PHKA1: variants seen among roughly 807,000 people sequenced by gnomAD.
PHKA1 encodes phosphorylase kinase regulatory subunit alpha 1.
Under a neutral mutation model 110.2 loss-of-function variants are expected in PHKA1, and 60 were observed. The ratio of observed to expected loss-of-function variants is 0.54; its 90% CI spans 0.44 to 0.68. PHKA1 has a LOEUF of 0.68. PHKA1 is among the 30% of genes least tolerant of loss of function. The pLI is 0.00. For synonymous variants in PHKA1, 316 were observed against 333.6 expected, an observed-to-expected ratio of 0.95 and a Z score of 0.58; for missense variants, 801 against 942.5, an observed-to-expected ratio of 0.85 and a Z score of 1.97.
intron 10 of PHKA1, 122 bp from the exon 11 acceptor site, chrX:72,653,652 A>G: frequency 3.9e-6 from 2 of 513,702 alleles, no homozygotes; most frequent in Admixed American, 2.9e-5. Context: ...TAAAATAGAA[A>G]GGAAAGGGTA....
intron 2 of PHKA1, chrX:72,712,346 C>G (rs1218349821): frequency 6.0e-6 from 1 of 165,646 alleles, no homozygotes; most frequent in East Asian, 1.6e-4. Flanking sequence ...TGTGTCTAGT[C>G]CAGAAGGTTT....
At chrX:72,697,536 C>T (rs1442717043) in intron 3 of PHKA1, among the ~76,000 whole-genome samples, 7 of 107,417 alleles carry the variant, frequency 6.5e-5, no homozygotes, top group African/African-American at 2.4e-4. Context: ...AAAACAAGGT[C>T]TCCTAAGACC....
At chrX:72,599,859 C>T (rs2147670968) in intron 28 of PHKA1, 2 of 544,810 alleles carry the variant, frequency 3.7e-6, no homozygotes, top group East Asian at 6.7e-5. Flanking sequence ...GGGATGACCA[C>T]CATTGGACTA....
chrX:72,682,168 C>T (rs2053897191), intron 5 of PHKA1, among the ~76,000 whole-genome samples: 2 of 91,024 alleles, frequency 2.2e-5, no homozygotes, highest in African/African-American at 7.9e-5. Context: ...GTGAGGAGCC[C>T]CTCTGCCCGG....
At chrX:72,633,030 A>C (rs1302142024) in intron 16 of PHKA1, among the ~76,000 whole-genome samples, 1 of 111,861 alleles carries the variant, frequency 8.9e-6, no homozygotes, top group Non-Finnish European at 1.9e-5. Context: ...AGCTGTGGCT[A>C]TGTATCTCAT....
At chrX:72,611,758 G>A (rs1293719532) in intron 21 of PHKA1, among the ~76,000 whole-genome samples, 1 of 112,108 alleles carries the variant, frequency 8.9e-6, no homozygotes, top group Non-Finnish European at 1.9e-5. Context: ...TAACCTATCA[G>A]ATTGTCAAAA....
At chrX:72,631,261 T>C (rs4825954) in intron 16 of PHKA1, among the ~76,000 whole-genome samples, 25,908 of 111,124 alleles carry the variant, frequency 0.23, 5,241 homozygotes, top group East Asian at 0.68. Context: ...ATGATAACTG[T>C]CTTAAAATCT....
At chrX:72,595,940 T>C (rs1556233604) in intron 28 of PHKA1, among the ~76,000 whole-genome samples, 1 of 112,192 alleles carries the variant, frequency 8.9e-6, no homozygotes, top group African/African-American at 3.2e-5. Context: ...ATCCCACTTC[T>C]GGATATTTAT....
intron 28 of PHKA1, among the ~76,000 whole-genome samples, chrX:72,601,371 T>C (rs1192009817): frequency 9.0e-6 from 1 of 111,548 alleles, no homozygotes; most frequent in Admixed American, 9.5e-5. Context: ...CCCCTCTGAA[T>C]ACAACATAAT....
chrX:72,619,942 A>C (rs910243063), intron 19 of PHKA1, among the ~76,000 whole-genome samples: 4 of 112,128 alleles, frequency 3.6e-5, no homozygotes, highest in African/African-American at 1.3e-4. Flanking sequence ...TCTGGTTCAC[A>C]ATTGAGAAGT....
At chrX:72,591,725 A>C (rs2052524751) in intron 29 of PHKA1, among the ~76,000 whole-genome samples, 1 of 112,017 alleles carries the variant, frequency 8.9e-6, no homozygotes, top group Non-Finnish European at 1.9e-5. Flanking sequence ...ACTGGGTATA[A>C]CTCTAAATAT....
At chrX:72,680,609 T>G (rs2369219) in intron 5 of PHKA1, among the ~76,000 whole-genome samples, 1 of 101,149 alleles carries the variant, frequency 9.9e-6, no homozygotes, top group Non-Finnish European at 1.9e-5. Context: ...GGAGCCCGTC[T>G]GGCCATGGTG....
chrX:72,610,346 C>T (rs1342096602), intron 22 of PHKA1, among the ~76,000 whole-genome samples: 3 of 111,426 alleles, frequency 2.7e-5, no homozygotes, highest in African/African-American at 9.8e-5. Context: ...TTTTTAAGCT[C>T]GCACATATGA....
intron 4 of PHKA1, among the ~76,000 whole-genome samples, chrX:72,691,743 A>T (rs782310296): frequency 7.1e-5 from 8 of 112,148 alleles, no homozygotes; most frequent in Non-Finnish European, 1.1e-4. Context: ...ACCTTGCTGA[A>T]CTTTGTTTAT....
At chrX:72,593,586 C>T (rs782798945) in intron 28 of PHKA1, 1 of 217,285 alleles carries the variant, frequency 4.6e-6, no homozygotes, top group African/African-American at 2.9e-5. Context: ...CATGATCCAC[C>T]CGCCTGGGCC....
chrX:72,590,064 G>GA (rs574698806), intron 29 of PHKA1, among the ~76,000 whole-genome samples: 3 of 111,094 alleles, frequency 2.7e-5, no homozygotes, highest in African/African-American at 9.8e-5. Context: ...CACAGAATTG[G>GA]AAAAAAACTA....
chrX:72,602,129 C>G, intron 27 of PHKA1, 29 bp downstream of exon 27: 2 of 1,064,877 alleles, frequency 1.9e-6, no homozygotes, highest in Non-Finnish European at 2.6e-6. Context: ...ATGGCAATAT[C>G]CCAGCTAATC....
At chrX:72,633,500 T>C (rs1262660922) in intron 16 of PHKA1, among the ~76,000 whole-genome samples, 4 of 112,179 alleles carry the variant, frequency 3.6e-5, no homozygotes, top group Non-Finnish European at 5.6e-5. Flanking sequence ...CTATTGTTTA[T>C]AAATTACCAA....
chrX:72,580,567 A>G lies in PHKA1; in HGVS notation c.*435T>C, dbSNP rs2052322337. 7.4e-6 allele frequency: 1 copy of G among 135,575 alleles called. No individual in the cohort carries two copies. The highest frequency in any genetic ancestry group is 1.5e-5 in the Non-Finnish European group (1 of 68,107). 11.2% of individuals were successfully genotyped at this position (135,575 alleles called of 1,213,427 possible). On this transcript the variant is annotated 3_prime_UTR_variant, in exon 32 of 32. Coordinates refer to ENST00000373542, the MANE Select transcript of PHKA1 (RefSeq NM_002637.4). ...AATTTAGAGTTTACTCATTTGAAAT[A>G]ATGTCCCAAAGTACCCACCACTCAT...
Sources: allele counts gnomAD v4.1 joint callset (sites outside exome capture counted in the v4.1 genomes callset), GRCh38; gene constraint gnomAD v4.1.1; transcripts MANE v1.5; gene names NCBI Gene and HGNC (gene_info 2026-07-23, HGNC 2026-07-21).